WIPF2: variants seen among roughly 807,000 people sequenced by gnomAD.
The protein encoded by WIPF2 is WAS/WASL-interacting protein family member 2.
A neutral mutation model predicts 38.8 loss-of-function variants in WIPF2; 23 were observed. The observed-to-expected ratio is 0.59, with a 90% CI of 0.43 to 0.84. WIPF2 has a LOEUF of 0.84. Among genes scored for constraint, WIPF2 ranks in the 40% least tolerant of loss-of-function variants. The pLI is 0.00. For synonymous variants in WIPF2, 210 were observed against 223.2 expected, an observed-to-expected ratio of 0.94 and a Z score of 0.53; for missense variants, 574 against 580.5, an observed-to-expected ratio of 0.99 and a Z score of 0.11.
At chr17:40,243,959 G>A (rs974011974) in intron 1 of WIPF2, among the ~76,000 whole-genome samples, 3 of 152,026 alleles carry the variant, frequency 2.0e-5, no homozygotes, top group African/African-American at 4.8e-5. Flanking sequence ...AAGTAACCTT[G>A]GAATTTTAAT....
In WIPF2 at chr17:40,257,041, C is replaced by T. The variant is rs556061517; in HGVS notation, c.63+519C>T. Reference sequence around the variant, plus strand: ...TCGCCCAGGCTGGAGTGCAGTGGCACGGTCTCGGCTCACTGCAACCTCTGC... The same window carrying T: ...TCGCCCAGGCTGGAGTGCAGTGGCATGGTCTCGGCTCACTGCAACCTCTGC... On this transcript the variant is annotated intron_variant, in intron 2 of 7. Transcript: ENST00000323571. 1.1e-4 allele frequency among the ~76,000 whole-genome samples: 17 copies of T among 152,078 alleles called. No homozygotes were observed. In the South Asian group the frequency reaches 3.1e-3, roughly 28 times the overall value.
At chr17:40,226,808 C>G (rs909566607) in intron 1 of WIPF2, among the ~76,000 whole-genome samples, 2 of 152,058 alleles carry the variant, frequency 1.3e-5, no homozygotes, top group African/African-American at 4.8e-5. Context: ...ATGGCACAAT[C>G]TCGGCTCACT....
chr17:40,222,507 TCAACAACAACAA>T (rs774875261), intron 1 of WIPF2, among the ~76,000 whole-genome samples: 22 of 149,380 alleles, frequency 1.5e-4, no homozygotes, highest in Admixed American at 3.3e-4. Flanking sequence ...AAACTCCACC[TCAACAACAACAA>T]CAACAACAAC....
chr17:40,244,657 A>AGG (rs1202438221), intron 1 of WIPF2, among the ~76,000 whole-genome samples: 2 of 152,168 alleles, frequency 1.3e-5, no homozygotes, highest in Non-Finnish European at 2.9e-5. Flanking sequence ...TGGACAGAGA[A>AGG]GGGGACTACT....
rs1436087836 is a variant in WIPF2 at position 40,282,126 on chromosome 17, A to G, written c.*3901A>G. On this transcript the variant is annotated 3_prime_UTR_variant, in exon 8 of 8. Transcript: ENST00000323571. ...AAACCACACGCAAAAAAAAAAAAAA[A>G]AAAAAAAAGGATAACTTTAACCGAA... 6.6e-6 allele frequency: 1 copy of G among 151,822 alleles called. No individual in the cohort carries two copies. 9.4% of individuals were successfully genotyped at this position (151,822 alleles called of 1,614,324 possible).
rs761456887 is a variant in WIPF2, at chr17:40,264,601, G to A, written c.425G>A (p.Arg142Gln). Residue 142 changes from arginine to glutamine, a missense_variant, in exon 5 of 8, where the codon CGG becomes CAG. By Grantham distance (43) the Arg-to-Gln change is conservative. Transcript: ENST00000323571. ...CCTCAGGATGATACAGACAGCAGCC[G>A]GGCCTCACTCCCAGAACTGCCCCGG... The part of the protein sequence containing the change: ...GRPQDDTDSS[R>Q]ASLPELPRMQ... 116 of 1,613,940 alleles carry A rather than the reference G, an allele frequency of 7.2e-5. 1 individual carries two copies. Among genetic ancestry groups the A allele is most frequent in the South Asian group, 1.8e-4 (16 of 91,088 alleles).
intron 1 of WIPF2, among the ~76,000 whole-genome samples, chr17:40,255,729 C>T (rs1411419625): frequency 2.8e-5 from 4 of 144,622 alleles, no homozygotes; most frequent in African/African-American, 5.1e-5. Context: ...CCTGGTTTCA[C>T]GCCATTCTCC....
chr17:40,227,170 A>G (rs1162491955), intron 1 of WIPF2, among the ~76,000 whole-genome samples: 1 of 151,906 alleles, frequency 6.6e-6, no homozygotes, highest in Non-Finnish European at 1.5e-5. Context: ...CGTGTCAAGT[A>G]GCTGAGATTA....
intron 1 of WIPF2, among the ~76,000 whole-genome samples, chr17:40,238,652 G>A (rs1173952292): frequency 5.9e-5 from 9 of 151,562 alleles, no homozygotes; most frequent in Non-Finnish European, 7.4e-5. Context: ...TCACTCTGTC[G>A]TCCAGGCTGG....
chr17:40,273,557 C>T, intron 5 of WIPF2: 1 of 489,400 alleles, frequency 2.0e-6, no homozygotes, highest in Non-Finnish European at 3.6e-6. Flanking sequence ...GGAAAAAAAT[C>T]AAGAACAGAT....
At chr17:40,266,337 A>G (rs917495067) in intron 5 of WIPF2, among the ~76,000 whole-genome samples, 1 of 152,166 alleles carries the variant, frequency 6.6e-6, no homozygotes, top group South Asian at 2.1e-4. Context: ...AAAAGCTTCT[A>G]GTGAGGATGG....
At chr17:40,244,733 T>A (rs925617830) in intron 1 of WIPF2, among the ~76,000 whole-genome samples, 3 of 152,170 alleles carry the variant, frequency 2.0e-5, no homozygotes, top group Non-Finnish European at 2.9e-5. Context: ...CTGTTCTAGC[T>A]ATCCTGGTCT....
chr17:40,228,883 C>T (rs983093622), intron 1 of WIPF2, among the ~76,000 whole-genome samples: 9 of 151,906 alleles, frequency 5.9e-5, no homozygotes, highest in African/African-American at 2.2e-4. Context: ...GCCATAATTA[C>T]AGGCATGAGC....
chr17:40,230,181 A>G (rs1044214505), intron 1 of WIPF2, among the ~76,000 whole-genome samples: 1 of 152,226 alleles, frequency 6.6e-6, no homozygotes. Flanking sequence ...TCTCTATATA[A>G]TTAAAATATT....
chr17:40,225,870 G>C (rs1018025540), intron 1 of WIPF2, among the ~76,000 whole-genome samples: 1 of 152,014 alleles, frequency 6.6e-6, no homozygotes, highest in Non-Finnish European at 1.5e-5. Context: ...GCCCAGCCTG[G>C]TCTTGAACTT....
intron 1 of WIPF2, among the ~76,000 whole-genome samples, chr17:40,229,723 A>G (rs2030662168): frequency 6.6e-6 from 1 of 152,196 alleles, no homozygotes; most frequent in Non-Finnish European, 1.5e-5. Flanking sequence ...TGCCTGGCCC[A>G]AAGACATTTA....
At chr17:40,243,146 A>G (rs773996231) in intron 1 of WIPF2, among the ~76,000 whole-genome samples, 16 of 152,196 alleles carry the variant, frequency 1.1e-4, no homozygotes, top group Admixed American at 2.0e-4. Flanking sequence ...CATAGTATCT[A>G]ATATTTACCA....
Position 40,273,868 on chromosome 17 carries a change from G to A in WIPF2, c.1049G>A (p.Gly350Glu). 6.3e-7 allele frequency: 1 copy of A among 1,576,242 alleles called. No homozygotes were observed. The highest frequency in any genetic ancestry group is 8.7e-7 in the Non-Finnish European group (1 of 1,154,528). The change falls in exon 6 of 8, where the codon GGG (glycine) becomes GAG (glutamate). Residue 350 changes from glycine (G) to glutamate (E), a missense_variant. Transcript: ENST00000323571. ...CCCCCACCACCATACCGAATGCATG[G>A]GTCAGAACCCCCGAGCCGAGGAAAG... The part of the protein sequence containing the change: ...PPPPPPYRMH[G>E]SEPPSRGKPP...
At chr17:40,273,366 A>G (rs2032300006) in intron 5 of WIPF2, among the ~76,000 whole-genome samples, 1 of 152,160 alleles carries the variant, frequency 6.6e-6, no homozygotes, top group South Asian at 2.1e-4. Context: ...TAGGCAGTGC[A>G]AAGCCTTTGA....
Sources: gnomAD v4.1 joint callset for allele counts (sites outside exome capture counted in the v4.1 genomes callset) on GRCh38, gnomAD v4.1.1 for gene constraint, MANE v1.5 for transcripts, NCBI Gene and HGNC (gene_info 2026-07-23, HGNC 2026-07-21) for gene names.